The following CCBE1 variants were observed in gnomAD, a reference collection of about 807,000 sequenced individuals.
The protein encoded by CCBE1 is collagen and calcium binding EGF domains 1, also known as collagen and calcium-binding EGF domain-containing protein 1.
In CCBE1, 37 loss-of-function variants were observed where a neutral mutation model predicts 50.0. That is an observed-to-expected ratio of 0.74 (90% CI 0.57 to 0.97). The LOEUF (loss-of-function observed/expected upper bound fraction) is 0.97, where lower values mean the gene tolerates loss of function less well. CCBE1 is among the 50% of genes least tolerant of loss of function. The probability of loss-of-function intolerance (pLI) is 0.00; values close to 1 mark genes in which losing one functional copy is unlikely to be tolerated. For synonymous variants in CCBE1, 234 were observed against 203.7 expected (o/e 1.15, Z -1.27); for missense variants, 538 against 523.8 (o/e 1.03, Z -0.26).
At chr18:59,462,837 C>T (rs1450157446) in intron 5 of CCBE1, among the ~76,000 whole-genome samples, 1 of 152,218 alleles carries the variant, frequency 6.6e-6, no homozygotes, top group Non-Finnish European at 1.5e-5. Flanking sequence ...CAGGAACCCA[C>T]AGGTCTGCAG....
intron 2 of CCBE1, among the ~76,000 whole-genome samples, chr18:59,522,700 T>G (rs193005695): frequency 1.1e-4 from 17 of 152,184 alleles, no homozygotes; most frequent in African/African-American, 3.9e-4. Flanking sequence ...GAATTAAATT[T>G]TTTTCTTGGC....
intron 3 of CCBE1, among the ~76,000 whole-genome samples, chr18:59,470,423 C>T (rs1333568474): frequency 6.6e-6 from 1 of 152,096 alleles, no homozygotes; most frequent in African/African-American, 2.4e-5. Flanking sequence ...GGGACACAGC[C>T]AAACCATATC....
chr18:59,639,542 G>A (rs776675468), intron 2 of CCBE1, among the ~76,000 whole-genome samples: 1 of 152,180 alleles, frequency 6.6e-6, no homozygotes. Context: ...ACATCATACT[G>A]AATGGGCAAA....
At chr18:59,478,072 G>A (rs56926298) in intron 3 of CCBE1, among the ~76,000 whole-genome samples, 5 of 152,192 alleles carry the variant, frequency 3.3e-5, no homozygotes, top group Admixed American at 6.5e-5. Flanking sequence ...GGTCTTAATA[G>A]AAAAAACCTG....
intron 2 of CCBE1, among the ~76,000 whole-genome samples, chr18:59,530,598 T>C (rs992682695): frequency 3.3e-5 from 5 of 152,234 alleles, no homozygotes; most frequent in African/African-American, 1.2e-4. Flanking sequence ...ATAAGATATC[T>C]GCTCCCCTTT....
intron 2 of CCBE1, among the ~76,000 whole-genome samples, chr18:59,513,883 G>T (rs1914246348): frequency 6.6e-6 from 1 of 152,128 alleles, no homozygotes; most frequent in East Asian, 1.9e-4. Flanking sequence ...CAGGAAGCAG[G>T]GGGAGAGAAG....
chr18:59,639,586 G>T (rs1423137504), intron 2 of CCBE1, among the ~76,000 whole-genome samples: 1 of 152,168 alleles, frequency 6.6e-6, no homozygotes, highest in Non-Finnish European at 1.5e-5. Context: ...ACTGGCACAA[G>T]ACAAAGACGC....
At chr18:59,569,821 G>C (rs1466090262) in intron 2 of CCBE1, among the ~76,000 whole-genome samples, 3 of 152,138 alleles carry the variant, frequency 2.0e-5, no homozygotes, top group Admixed American at 1.3e-4. Flanking sequence ...TGTAGAGATG[G>C]AGTCTTGCTC....
intron 2 of CCBE1, among the ~76,000 whole-genome samples, chr18:59,490,632 C>T (rs1265053902): frequency 6.6e-6 from 1 of 152,176 alleles, no homozygotes; most frequent in Non-Finnish European, 1.5e-5. Flanking sequence ...ATTCACTTCG[C>T]CAACCCAAAA....
At chr18:59,656,457 T>C (rs892822552) in intron 2 of CCBE1, among the ~76,000 whole-genome samples, 1 of 152,216 alleles carries the variant, frequency 6.6e-6, no homozygotes, top group African/African-American at 2.4e-5. Flanking sequence ...GGGTACCTGG[T>C]AATTGCTAGT....
intron 3 of CCBE1, among the ~76,000 whole-genome samples, chr18:59,477,517 C>G (rs1007376955): frequency 6.7e-6 from 1 of 148,604 alleles, no homozygotes; most frequent in African/African-American, 2.5e-5. Flanking sequence ...TCTTATCTTT[C>G]CATGGATTAT....
intron 2 of CCBE1, among the ~76,000 whole-genome samples, chr18:59,521,534 G>T (rs545961144): frequency 6.6e-6 from 1 of 152,116 alleles, no homozygotes; most frequent in Non-Finnish European, 1.5e-5. Context: ...CAGATCCAAG[G>T]CCTCTTCTGT....
At chr18:59,564,748 A>T (rs2052794318) in intron 2 of CCBE1, among the ~76,000 whole-genome samples, 1 of 152,236 alleles carries the variant, frequency 6.6e-6, no homozygotes, top group Admixed American at 6.5e-5. Flanking sequence ...AGGCCATATG[A>T]GGTTGGCTGG....
Position 59,494,614 on chromosome 18 carries a change from G to C in CCBE1, c.213-14376C>G, listed in dbSNP as rs144071973. Among the ~76,000 whole-genome samples the C allele has an allele frequency of 1.1e-3, 174 of 152,206 alleles. 1 individual carries two copies. In the South Asian group the frequency reaches 0.013, roughly 11 times the overall value. ...AAAAAATCAGAGAAGTCCAAGACTA[G>C]AGATTTATTTTTGTAGAGCTGCCTG... On this transcript the variant is annotated intron_variant, in intron 2 of 10. Transcript: ENST00000439986.
At chr18:59,691,770 A>C (rs1265311081) in intron 2 of CCBE1, among the ~76,000 whole-genome samples, 1 of 152,186 alleles carries the variant, frequency 6.6e-6, no homozygotes, top group South Asian at 2.1e-4. Flanking sequence ...CCAAGTCTTC[A>C]CAGAGCTGCC....
intron 2 of CCBE1, among the ~76,000 whole-genome samples, chr18:59,517,479 A>G (rs576698000): frequency 7.9e-5 from 12 of 152,248 alleles, no homozygotes; most frequent in Non-Finnish European, 1.8e-4. Context: ...TTAGTAACAT[A>G]TAAAGGATAT....
intron 2 of CCBE1, among the ~76,000 whole-genome samples, chr18:59,489,666 G>A (rs1912998531): frequency 6.6e-6 from 1 of 152,078 alleles, no homozygotes; most frequent in Admixed American, 6.5e-5. Flanking sequence ...GTATGCCTTG[G>A]CTTCCCAAAA....
chr18:59,540,497 G>A (rs1915425902), intron 2 of CCBE1, among the ~76,000 whole-genome samples: 1 of 152,120 alleles, frequency 6.6e-6, no homozygotes, highest in Admixed American at 6.6e-5. Flanking sequence ...TAGGGAGGAG[G>A]GAAATAGGGG....
intron 7 of CCBE1, among the ~76,000 whole-genome samples, chr18:59,442,859 T>C (rs1910496802): frequency 6.6e-6 from 1 of 152,344 alleles, no homozygotes; most frequent in African/African-American, 2.4e-5. Context: ...GAGTTCTCAG[T>C]AGGGGCTGCC....
Sources: gnomAD v4.1 joint callset for allele counts (sites outside exome capture counted in the v4.1 genomes callset) on GRCh38, gnomAD v4.1.1 for gene constraint, MANE v1.5 for transcripts, NCBI Gene and HGNC (gene_info 2026-07-23, HGNC 2026-07-21) for gene names.